PARP9: variants seen among roughly 807,000 people sequenced by gnomAD.
PARP9 encodes the protein poly(ADP-ribose) polymerase family member 9, also known as protein mono-ADP-ribosyltransferase PARP9.
PARP9 carries 48 observed loss-of-function variants against 68.8 expected under a neutral mutation model. The ratio of observed to expected loss-of-function variants is 0.70; its 90% CI spans 0.55 to 0.89. The LOEUF (loss-of-function observed/expected upper bound fraction) is 0.89, where lower values mean the gene tolerates loss of function less well. PARP9 is among the 40% of genes least tolerant of loss of function. The pLI, the probability that PARP9 is intolerant of heterozygous loss-of-function variation, is 0.00. For synonymous variants in PARP9, 309 were observed against 333.8 expected (o/e 0.93, Z 0.81); for missense variants, 806 against 969.3 (o/e 0.83, Z 2.24).
intron 10 of PARP9, 80 bp downstream of exon 10, chr3:122,536,088 T>A (rs775753366): frequency 6.2e-7 from 1 of 1,606,988 alleles, no homozygotes; most frequent in Non-Finnish European, 8.5e-7. Context: ...CAACAACAAA[T>A]GCTATCAGTG....
At chr3:122,562,309 A>G (rs1479895213) in intron 1 of PARP9, among the ~76,000 whole-genome samples, 5 of 150,106 alleles carry the variant, frequency 3.3e-5, no homozygotes. Flanking sequence ...CAGCCTCCCT[A>G]GTAGCTGGGA....
chr3:122,550,849 G>A, intron 5 of PARP9, 47 bp from the exon 6 acceptor site: 4 of 1,506,442 alleles, frequency 2.7e-6, no homozygotes, highest in Non-Finnish European at 3.7e-6. Context: ...TCAAGAACAA[G>A]ACTCCACTTA....
At position 122,555,342 on chromosome 3, in the gene PARP9, T is replaced by C; in HGVS notation, c.829A>G (p.Met277Val). 1 of 1,614,100 alleles carries C rather than the reference T, an allele frequency of 6.2e-7. No individual in the cohort carries two copies. ...TGGAGGGTCAGGTTGTTCACGACCA[T>C]TGCATTGAAAGAAGGGGTGGTTTCT... ...GQETTPSFNA[M>V]VVNNLTLQIV... is the part of the protein sequence containing the mutation. Residue 277 changes from methionine (M) to valine (V), a missense_variant, in exon 4 of 11, where the codon ATG (methionine) becomes GTG (valine). Met to Val is a conservative substitution (Grantham distance 21). Around this residue, in one of 2 missense-constraint regions of PARP9, gnomAD observed 680 missense variants for 858.8 expected, o/e 0.79. Transcript: ENST00000682323.
At chr3:122,534,022 A>T in intron 10 of PARP9, 1 of 985,456 alleles carries the variant, frequency 1.0e-6, no homozygotes, top group Non-Finnish European at 1.2e-6. Context: ...AGATGAGTCA[A>T]TTGGTGCAGG....
chr3:122,541,767 G>C (rs2078248884), intron 7 of PARP9, among the ~76,000 whole-genome samples: 1 of 152,228 alleles, frequency 6.6e-6, no homozygotes, highest in African/African-American at 2.4e-5. Flanking sequence ...GAGTCATTAA[G>C]TAACTTGCCC....
intron 2 of PARP9, among the ~76,000 whole-genome samples, chr3:122,558,886 A>T (rs2079948713): frequency 6.6e-6 from 1 of 152,010 alleles, no homozygotes; most frequent in Admixed American, 6.6e-5. Flanking sequence ...AATTGTTTTT[A>T]CTTTTTTAGA....
chr3:122,542,499 C>T (rs1042075062), intron 7 of PARP9, among the ~76,000 whole-genome samples: 8 of 151,812 alleles, frequency 5.3e-5, no homozygotes, highest in African/African-American at 2.4e-5. Context: ...CTCCGCCTCC[C>T]GGGTTCACAC....
rs550627489 is a variant in PARP9 at position 122,535,980 on chromosome 3, G to A, written c.2080+188C>T. The A allele has an allele frequency of 1.5e-4, 227 of 1,477,822 alleles. No individual in the cohort carries two copies. In the African/African-American group the frequency reaches 2.1e-3, roughly 13 times the overall value. The allele number at this position is 1,477,822 out of a possible 1,614,324, so 91.5% of individuals were successfully genotyped here. Reference sequence around the variant, plus strand: ...AAAATGCATCAGCAACAAAAGATACGAAGGAAAAGTAAAAAATACCACTCT... The same window carrying A: ...AAAATGCATCAGCAACAAAAGATACAAAGGAAAAGTAAAAAATACCACTCT... On this transcript the variant is annotated intron_variant, in intron 10 of 10. Transcript: ENST00000682323.
At chr3:122,554,024 G>A (rs1168461733) in intron 4 of PARP9, among the ~76,000 whole-genome samples, 1 of 151,954 alleles carries the variant, frequency 6.6e-6, no homozygotes, top group African/African-American at 2.4e-5. Flanking sequence ...TCACCTTTGT[G>A]CCCAGTGACC....
At chr3:122,552,104 A>G (rs1222684323) in intron 5 of PARP9, among the ~76,000 whole-genome samples, 1 of 150,852 alleles carries the variant, frequency 6.6e-6, no homozygotes, top group Non-Finnish European at 1.5e-5. Context: ...TTTTTGGTAG[A>G]GATGGGGGTC....
rs2079560112 is a variant in PARP9, at chr3:122,555,471, T to C, written c.700A>G (p.Met234Val). 1 of 1,614,208 alleles carries C rather than the reference T, an allele frequency of 6.2e-7. No individual in the cohort carries two copies. The highest frequency in any genetic ancestry group is 8.5e-7 in the Non-Finnish European group (1 of 1,180,036). The change falls in exon 4 of 11, where the codon ATG (methionine) becomes GTG (valine). Residue 234 changes from methionine to valine, a missense_variant. Met to Val is a conservative substitution (Grantham distance 21). Transcript: ENST00000682323. The stretch of plus-strand genomic sequence containing the variant: ...AGGTGAATTTCTTTCAAATTACTCA[T>C]CATTGGCTTCCCTTGCAAACTAACC... ...IRVSLQGKPM[M>V]SNLKEIHLVS...
intron 2 of PARP9, among the ~76,000 whole-genome samples, chr3:122,559,005 C>T (rs78969144): frequency 0.22 from 33,056 of 152,158 alleles, 4,159 homozygotes; most frequent in Non-Finnish European, 0.27. Flanking sequence ...CGCCAGCCAC[C>T]GCCAATGCAT....
At chr3:122,553,023 TTTTTG>T (rs2079345275) in intron 4 of PARP9, among the ~76,000 whole-genome samples, 1 of 152,066 alleles carries the variant, frequency 6.6e-6, no homozygotes, top group African/African-American at 2.4e-5. Context: ...TCGTCGTGGG[TTTTTG>T]TTTTGTCTCG....
chr3:122,549,315 T>C (rs1161809961), intron 6 of PARP9, among the ~76,000 whole-genome samples: 1 of 152,150 alleles, frequency 6.6e-6, no homozygotes, highest in Non-Finnish European at 1.5e-5. Context: ...CTCACCCACC[T>C]GTATTAACTC....
rs2077552020 is a variant in PARP9 at position 122,535,162 on chromosome 3, A to T, written c.2080+1006T>A. The T allele has an allele frequency of 8.1e-6, 8 of 985,430 alleles. No individual in the cohort carries two copies. In the South Asian group the frequency reaches 3.8e-4, roughly 46 times the overall value. The allele number at this position is 985,430 out of a possible 1,614,324, so 61.0% of individuals were successfully genotyped here. A position where few individuals can be genotyped will look rare whatever the true frequency, so the allele number is the denominator to read the frequency against. Reference sequence around the variant, plus strand: ...TGCAGAGAAGCCAGCTTTAGGAGCAAATGGAAATTATAGATTTTTTAAGAC... The same window carrying T: ...TGCAGAGAAGCCAGCTTTAGGAGCATATGGAAATTATAGATTTTTTAAGAC... On this transcript the variant is annotated intron_variant, in intron 10 of 10. Coordinates refer to ENST00000682323, the MANE Select transcript of PARP9 (RefSeq NM_001146105.2).
chr3:122,530,235 G>A (rs1254190947), intron 10 of PARP9, among the ~76,000 whole-genome samples: 3 of 151,442 alleles, frequency 2.0e-5, no homozygotes, highest in Non-Finnish European at 4.4e-5. Context: ...GGAATGTGGA[G>A]TATATAAAAT....
intron 7 of PARP9, 149 bp from the exon 8 acceptor site, chr3:122,541,001 C>T (rs934779334): frequency 1.2e-5 from 10 of 846,592 alleles, no homozygotes; most frequent in Non-Finnish European, 1.8e-5. Flanking sequence ...CGCCATTCTC[C>T]TGCCTCAGCC....
chr3:122,549,793 AAGAG>A (rs954867209), intron 6 of PARP9, among the ~76,000 whole-genome samples: 4 of 151,850 alleles, frequency 2.6e-5, no homozygotes, highest in African/African-American at 7.3e-5. Flanking sequence ...TAAAAAAAAA[AAGAG>A]AGAGAGAGAG....
chr3:122,556,698 T>C (rs1208203907), intron 3 of PARP9, among the ~76,000 whole-genome samples: 1 of 151,894 alleles, frequency 6.6e-6, no homozygotes, highest in Non-Finnish European at 1.5e-5. Flanking sequence ...GTAAGACAAA[T>C]GAACAAAGCA....
Sources: allele counts gnomAD v4.1 joint callset (sites outside exome capture counted in the v4.1 genomes callset), GRCh38; gene constraint gnomAD v4.1.1; regional missense constraint gnomAD v4.1.1; transcripts MANE v1.5; gene names NCBI Gene and HGNC (gene_info 2026-07-23, HGNC 2026-07-21).